NALF1: variants seen among roughly 807,000 people sequenced by gnomAD.
The protein encoded by NALF1 is family with sequence similarity 155 member A.
In NALF1, 3 loss-of-function variants were observed where a neutral mutation model predicts 48.4. That is an observed-to-expected ratio of 0.06 (90% confidence interval 0.03 to 0.16). NALF1 has a LOEUF of 0.16. NALF1 is among the 10% of genes least tolerant of loss of function. NALF1 has a pLI of 1.00. For synonymous variants in NALF1, 262 were observed against 245.7 expected (o/e 1.07, Z -0.62); for missense variants, 526 against 571.5 (o/e 0.92, Z 0.81).
chr13:107,201,195 C>T (rs1207746360), intron 2 of NALF1, among the ~76,000 whole-genome samples: 2 of 151,902 alleles, frequency 1.3e-5, no homozygotes, highest in Admixed American at 6.6e-5. Flanking sequence ...ATCTATCTAT[C>T]TACCCATCCA....
chr13:107,835,077 G>A (rs529398470), intron 1 of NALF1, among the ~76,000 whole-genome samples: 1 of 152,200 alleles, frequency 6.6e-6, no homozygotes, highest in South Asian at 2.1e-4. Context: ...ATGCAATCAC[G>A]TATTGTCCAT....
At chr13:107,295,359 A>C (rs977747118) in intron 1 of NALF1, among the ~76,000 whole-genome samples, 1 of 152,234 alleles carries the variant, frequency 6.6e-6, no homozygotes, top group Admixed American at 6.5e-5. Flanking sequence ...CATGGTGTAC[A>C]TATAATACAT....
intron 1 of NALF1, among the ~76,000 whole-genome samples, chr13:107,497,563 A>C (rs1347400124): frequency 3.3e-5 from 5 of 152,200 alleles, no homozygotes; most frequent in African/African-American, 9.6e-5. Flanking sequence ...TTCTTCAAGT[A>C]CATCTTTCAG....
At chr13:107,271,439 A>G (rs1170216890) in intron 1 of NALF1, among the ~76,000 whole-genome samples, 1 of 152,136 alleles carries the variant, frequency 6.6e-6, no homozygotes, top group East Asian at 1.9e-4. Flanking sequence ...TGGCAGCCAC[A>G]GGCAAAGGAA....
intron 1 of NALF1, among the ~76,000 whole-genome samples, chr13:107,813,309 T>C (rs185499088): frequency 9.2e-5 from 14 of 152,288 alleles, no homozygotes; most frequent in African/African-American, 3.4e-4. Flanking sequence ...AACAGCATTA[T>C]AGGTCTTGAA....
chr13:107,363,434 A>T (rs1041942988), intron 1 of NALF1, among the ~76,000 whole-genome samples: 2 of 152,140 alleles, frequency 1.3e-5, no homozygotes, highest in Non-Finnish European at 2.9e-5. Flanking sequence ...TTTCTACAAA[A>T]ATAAAAGTAA....
At chr13:107,550,842 G>C (rs1477317008) in intron 1 of NALF1, among the ~76,000 whole-genome samples, 2 of 151,566 alleles carry the variant, frequency 1.3e-5, no homozygotes, top group Non-Finnish European at 2.9e-5. Flanking sequence ...CAAATATTCT[G>C]ATCTGGAATT....
chr13:107,390,269 C>T (rs151327318), intron 1 of NALF1, among the ~76,000 whole-genome samples: 2,043 of 151,410 alleles, frequency 0.013, 26 homozygotes, highest in South Asian at 0.034. Flanking sequence ...TGCTTGAGCC[C>T]GGGAGGTGGA....
rs371657095 is a variant in NALF1, at chr13:107,311,005, A to G, written c.916-100250T>C. 7.2e-5 allele frequency among the ~76,000 whole-genome samples: 11 copies of G among 152,324 alleles called. No individual in the cohort carries two copies. In the East Asian group the frequency reaches 2.1e-3, roughly 29 times the overall value. On this transcript the variant is annotated intron_variant, in intron 1 of 2. Transcript: ENST00000375915. ...ATATATGAGTGAAAAGACTAGTGATAAATTAGAAAATATGGCTAGGGAAAA... is the reference window on the plus strand; with the variant it reads ...ATATATGAGTGAAAAGACTAGTGATGAATTAGAAAATATGGCTAGGGAAAA...
At chr13:107,424,427 C>T (rs1380158502) in intron 1 of NALF1, among the ~76,000 whole-genome samples, 2 of 152,154 alleles carry the variant, frequency 1.3e-5, no homozygotes, top group Non-Finnish European at 2.9e-5. Flanking sequence ...GCAGGAGCCA[C>T]CGCCCCTGGT....
chr13:107,324,540 C>T (rs894177303), intron 1 of NALF1, among the ~76,000 whole-genome samples: 2 of 152,062 alleles, frequency 1.3e-5, no homozygotes, highest in Admixed American at 6.6e-5. Context: ...AGAAGAAAAT[C>T]CCTAAATTCC....
At chr13:107,556,272 C>CATATATATATAT (rs56407804) in intron 1 of NALF1, among the ~76,000 whole-genome samples, 110 of 131,344 alleles carry the variant, frequency 8.4e-4, no homozygotes, top group Middle Eastern at 4.0e-3. Flanking sequence ...TCTCTCTCAA[C>CATATATATATAT]ATATATATAT....
At chr13:107,711,321 C>CTTGT (rs961130278) in intron 1 of NALF1, among the ~76,000 whole-genome samples, 1 of 152,236 alleles carries the variant, frequency 6.6e-6, no homozygotes, top group South Asian at 2.1e-4. Flanking sequence ...ACTCATGGTC[C>CTTGT]TTGTTTGTTT....
chr13:107,387,673 A>G (rs1257135220), intron 1 of NALF1, among the ~76,000 whole-genome samples: 1 of 152,194 alleles, frequency 6.6e-6, no homozygotes, highest in Non-Finnish European at 1.5e-5. Flanking sequence ...CCTTCCCAAA[A>G]GCTTACAGCA....
At chr13:107,284,662 G>A (rs115959379) in intron 1 of NALF1, among the ~76,000 whole-genome samples, 1 of 152,120 alleles carries the variant, frequency 6.6e-6, no homozygotes, top group Non-Finnish European at 1.5e-5. Flanking sequence ...AGGTTTAGAT[G>A]CGGTCATAAA....
intron 1 of NALF1, among the ~76,000 whole-genome samples, chr13:107,565,936 C>T (rs565038139): frequency 1.6e-4 from 24 of 152,236 alleles, no homozygotes; most frequent in African/African-American, 5.3e-4. Context: ...AAAACAGAAA[C>T]GAAATGTTCC....
intron 2 of NALF1, 115 bp from the exon 3 acceptor site, chr13:107,170,901 T>G (rs1878789215): frequency 2.2e-6 from 2 of 925,694 alleles, no homozygotes; most frequent in Non-Finnish European, 3.2e-6. Flanking sequence ...AATTAGACAT[T>G]TATTTAAAGG....
chr13:107,754,453 G>T (rs1468426732), intron 1 of NALF1, among the ~76,000 whole-genome samples: 1 of 151,596 alleles, frequency 6.6e-6, no homozygotes, highest in African/African-American at 2.4e-5. Flanking sequence ...AAATTCCAAA[G>T]AGAAGCATGA....
intron 1 of NALF1, among the ~76,000 whole-genome samples, chr13:107,292,790 G>C (rs891058797): frequency 4.6e-5 from 7 of 152,120 alleles, no homozygotes; most frequent in Non-Finnish European, 1.0e-4. Flanking sequence ...ATTTAAACCA[G>C]TAACAATTAT....
Sources: gnomAD v4.1 joint callset for allele counts (sites outside exome capture counted in the v4.1 genomes callset) on GRCh38, gnomAD v4.1.1 for gene constraint, MANE v1.5 for transcripts, NCBI Gene and HGNC (gene_info 2026-07-23, HGNC 2026-07-21) for gene names.